Variants in NDUFS1 observed in about 807,000 individuals in gnomAD.
NDUFS1 encodes NADH:ubiquinone oxidoreductase core subunit S1, also known as NADH-ubiquinone oxidoreductase 75 kDa subunit, mitochondrial.
In NDUFS1, 61 loss-of-function variants were observed where a neutral mutation model predicts 84.4. The ratio of observed to expected loss-of-function variants is 0.72; its 90% CI spans 0.59 to 0.89. The LOEUF is 0.89. Ranked by LOEUF, NDUFS1 falls within the 40% of genes least tolerant of loss-of-function variation. The pLI is 0.00. For synonymous variants in NDUFS1, 275 were observed against 290.0 expected (o/e 0.95, Z 0.53); for missense variants, 891 against 890.0 (o/e 1.00, Z -0.01).
At position 206,155,173 on chromosome 2, in the gene NDUFS1, CT is replaced by C. The variant is rs573847029; in HGVS notation, c.-4-1492del. Among the ~76,000 whole-genome samples, 14 of 152,198 alleles carry C rather than the reference CT, an allele frequency of 9.2e-5. No individual in the cohort carries two copies. In the East Asian group the frequency reaches 1.9e-3, roughly 21 times the overall value. On this transcript the variant is annotated intron_variant, in intron 1 of 18. Transcript: ENST00000233190. ...CCGCTCTGTTGCCCAGGCTGGAGTG[CT>C]GTGGCGCGATCTCAGCTCACTGCAA...
In NDUFS1 at chr2:206,119,909, C is replaced by T. The variant is rs1691051136; in HGVS notation, c.*4276G>A. 2 of 151,900 alleles carry T rather than the reference C, an allele frequency of 1.3e-5. No individual in the cohort carries two copies. The highest frequency in any genetic ancestry group is 2.1e-4 in the South Asian group (1 of 4,818). The allele number at this position is 151,900 out of a possible 1,614,324, so 9.4% of individuals were successfully genotyped here. A position where few individuals can be genotyped will look rare whatever the true frequency, so the allele number is the denominator to read the frequency against. The stretch of plus-strand genomic sequence containing the variant: ...AAATCTCATGTTGAAATGTAACCCC[C>T]AATGCTGGAGGTAGGGCCTCGTGGG... On this transcript the variant is annotated 3_prime_UTR_variant, in exon 19 of 19. Coordinates refer to ENST00000233190, the MANE Select transcript of NDUFS1 (RefSeq NM_005006.7).
Position 206,130,110 on chromosome 2 carries a change from C to CT in NDUFS1, c.1685dup (p.Asp563GlyfsTer12). ...TACCTTGATAAATAATGAAACAATCCTTTGGCAAATCCTGTCGTGTGATAC... is the reference window on the plus strand; with the variant it reads ...TACCTTGATAAATAATGAAACAATCCTTTTGGCAAATCCTGTCGTGTGATAC... On this transcript the variant is annotated frameshift_variant, in exon 15 of 19. Transcript: ENST00000233190. LOFTEE classifies it high-confidence loss of function. 3.1e-6 allele frequency: 5 copies of CT among 1,614,128 alleles called. No individual in the cohort carries two copies. Among genetic ancestry groups the CT allele is most frequent in the Non-Finnish European group, 4.2e-6 (5 of 1,180,024 alleles).
rs752376883 is a variant in NDUFS1, at chr2:206,138,434, A to G, written c.1392+51T>C. The G allele has an allele frequency of 8.3e-6, 13 of 1,574,348 alleles. No individual in the cohort carries two copies. The South Asian group carries it at 1.3e-4, about 16-fold the overall frequency. The stretch of plus-strand genomic sequence containing the variant: ...TTATTACAAAAACAGTTAAGTTTAA[A>G]TAATAATAATTAAAAATCAACAAGA... On this transcript the variant is annotated intron_variant, in intron 13 of 18. Transcript: ENST00000233190.
At chr2:206,142,195 A>C (rs1329403572) in intron 11 of NDUFS1, 126 bp from the exon 12 acceptor site, 3 of 799,822 alleles carry the variant, frequency 3.8e-6, no homozygotes, top group East Asian at 5.4e-5. Flanking sequence ...AGTATTTCTA[A>C]ATTAAATGAA....
chr2:206,144,817 G>A (rs1022252052), intron 9 of NDUFS1, 75 bp downstream of exon 9: 91 of 1,475,352 alleles, frequency 6.2e-5, no homozygotes, highest in Non-Finnish European at 7.4e-6. Flanking sequence ...AAATATAAAA[G>A]ATAATTCTTC....
chr2:206,151,574 T>A (rs1047609191), intron 3 of NDUFS1, among the ~76,000 whole-genome samples: 1 of 152,222 alleles, frequency 6.6e-6, no homozygotes, highest in African/African-American at 2.4e-5. Context: ...AGTCTAGAAA[T>A]GACTGCTAAA....
At chr2:206,143,892 G>C in intron 10 of NDUFS1, 126 bp downstream of exon 10, 1 of 771,772 alleles carries the variant, frequency 1.3e-6, no homozygotes, top group Non-Finnish European at 2.2e-6. Context: ...CTGTAAAATG[G>C]AAGGAGATTA....
intron 5 of NDUFS1, among the ~76,000 whole-genome samples, chr2:206,148,168 T>G (rs1324511347): frequency 1.3e-5 from 2 of 152,042 alleles, no homozygotes; most frequent in African/African-American, 4.8e-5. Context: ...CAAGTGATCC[T>G]CCCGCCCTGG....
At chr2:206,133,541 AATG>A (rs1475039030) in intron 13 of NDUFS1, among the ~76,000 whole-genome samples, 1 of 152,208 alleles carries the variant, frequency 6.6e-6, no homozygotes, top group Non-Finnish European at 1.5e-5. Flanking sequence ...CAGGGAAAGC[AATG>A]ATCACCAGAT....
chr2:206,145,483 C>T (rs1692122520), intron 8 of NDUFS1, among the ~76,000 whole-genome samples: 1 of 152,178 alleles, frequency 6.6e-6, no homozygotes, highest in Non-Finnish European at 1.5e-5. Flanking sequence ...AAACTATTAT[C>T]TGACACAGAA....
intron 13 of NDUFS1, among the ~76,000 whole-genome samples, chr2:206,138,011 G>A (rs1691786393): frequency 6.6e-6 from 1 of 152,146 alleles, no homozygotes; most frequent in African/African-American, 2.4e-5. Flanking sequence ...AGATTATGAT[G>A]TTTTATCAAT....
At chr2:206,135,175 T>A (rs1382533959) in intron 13 of NDUFS1, among the ~76,000 whole-genome samples, 2 of 151,796 alleles carry the variant, frequency 1.3e-5, no homozygotes, top group African/African-American at 4.8e-5. Context: ...CACGCCACCA[T>A]GCCAAGCAAA....
chr2:206,157,077 A>T (rs564517471), intron 1 of NDUFS1, among the ~76,000 whole-genome samples: 2 of 152,206 alleles, frequency 1.3e-5, no homozygotes, highest in Admixed American at 6.5e-5. Flanking sequence ...CTTGCCTCCC[A>T]AGTAGCTGGG....
intron 5 of NDUFS1, among the ~76,000 whole-genome samples, chr2:206,148,265 TGTTA>T (rs1291307628): frequency 6.6e-6 from 1 of 152,182 alleles, no homozygotes; most frequent in Non-Finnish European, 1.5e-5. Context: ...GATGTATATT[TGTTA>T]TACAATTAAT....
chr2:206,135,039 G>A (rs1371011427), intron 13 of NDUFS1, among the ~76,000 whole-genome samples: 1 of 150,580 alleles, frequency 6.6e-6, no homozygotes, highest in Non-Finnish European at 1.5e-5. Flanking sequence ...TTTCTTTTGA[G>A]ACAGGGTCTT....
chr2:206,144,369 A>C (rs1183684975), intron 9 of NDUFS1, among the ~76,000 whole-genome samples: 1 of 152,110 alleles, frequency 6.6e-6, no homozygotes, highest in East Asian at 1.9e-4. Flanking sequence ...TAAATCATAC[A>C]AAAAAAAGTT....
chr2:206,132,917 T>C, intron 14 of NDUFS1, 28 bp downstream of exon 14: 6 of 1,583,590 alleles, frequency 3.8e-6, no homozygotes, highest in Non-Finnish European at 4.3e-6. Flanking sequence ...CTTGAATTTA[T>C]AGTATATAAA....
In NDUFS1 at chr2:206,121,694, T is replaced by C. The variant is rs4675589; in HGVS notation, c.*2491A>G. 93,101 of 151,900 alleles carry C rather than the reference T, an allele frequency of 0.61. 29,449 individuals carry two copies. Among genetic ancestry groups the C allele is most frequent in the African/African-American group, 0.77 (31,944 of 41,410 alleles). 9.4% of individuals were successfully genotyped at this position (151,900 alleles called of 1,614,324 possible). The stretch of plus-strand genomic sequence containing the variant: ...TCTCAAACTCCTGACCTCAATGATC[T>C]GCCCGCCTCAGCCTGCCAAAGTGCT... On this transcript the variant is annotated 3_prime_UTR_variant, in exon 19 of 19. Transcript: ENST00000233190.
chr2:206,142,669 A>T lies in NDUFS1; in HGVS notation c.1133+17T>A, dbSNP rs1692008007. 10 of 1,614,140 alleles carry T rather than the reference A, an allele frequency of 6.2e-6. No individual in the cohort carries two copies. The highest frequency in any genetic ancestry group is 8.5e-6 in the Non-Finnish European group (10 of 1,179,982). ...AAAAAGAAAGGAAAGCCTAGATCCT[A>T]GCTTCATATTTCTCACCCAGCTCCT... On this transcript the variant is annotated intron_variant, in intron 11 of 18. Transcript: ENST00000233190.
Sources: allele counts gnomAD v4.1 joint callset (sites outside exome capture counted in the v4.1 genomes callset), GRCh38; gene constraint gnomAD v4.1.1; transcripts MANE v1.5; gene names NCBI Gene and HGNC (gene_info 2026-07-23, HGNC 2026-07-21).